OR6K3: variants seen among roughly 807,000 people sequenced by gnomAD.
OR6K3 encodes olfactory receptor family 6 subfamily K member 3.
For synonymous variants in OR6K3, 169 were observed against 137.7 expected (o/e 1.23, Z -1.59); for missense variants, 396 against 382.5 (o/e 1.04, Z -0.29).
intron 1 of OR6K3, among the ~76,000 whole-genome samples, chr1:158,718,379 G>A (rs112028591): frequency 0.022 from 3,348 of 150,266 alleles, 123 homozygotes; most frequent in African/African-American, 0.077. Context: ...AAACCTTCAA[G>A]GTAGTTCTTC....
Position 158,719,293 on chromosome 1 carries a change from G to A in OR6K3, c.-17-1161C>T, listed in dbSNP as rs988281783. ...TTTCCCAAGAGTCTATTTTCCCCAGGTTCCTATCATCCACTTCAACCTCTT... is the reference window on the plus strand; with the variant it reads ...TTTCCCAAGAGTCTATTTTCCCCAGATTCCTATCATCCACTTCAACCTCTT... On this transcript the variant is annotated intron_variant, in intron 1 of 1. Coordinates refer to ENST00000368145, the MANE Select transcript of OR6K3 (RefSeq NM_001005327.3). 5.3e-5 allele frequency among the ~76,000 whole-genome samples: 8 copies of A among 151,558 alleles called. 1 individual carries two copies. Among genetic ancestry groups the A allele is most frequent in the African/African-American group, 1.5e-4 (6 of 41,272 alleles).
Position 158,717,226 on chromosome 1 carries a change from T to C in OR6K3, c.890A>G (p.Asn297Ser). The C allele has an allele frequency of 6.2e-7, 1 of 1,613,682 alleles. No homozygotes were observed. The highest frequency in any genetic ancestry group is 1.1e-5 in the South Asian group (1 of 91,080). The change falls in exon 2 of 2, where the codon AAC (asparagine) becomes AGC (serine). Residue 297 changes from asparagine (N) to serine (S), a missense_variant. Physicochemically the swap from Asn to Ser is conservative, Grantham distance 46. Transcript: ENST00000368145. ...IIYSLRNKDMNNAIKKLFCLQ... is the reference protein window; with the variant it reads ...IIYSLRNKDMSNAIKKLFCLQ... Reference sequence around the variant, plus strand: ...ACAGAACAGTTTTTTAATCGCATTGTTCATGTCCTTGTTTCTCAGGCTATA... The same window carrying C: ...ACAGAACAGTTTTTTAATCGCATTGCTCATGTCCTTGTTTCTCAGGCTATA...
upstream of OR6K3, among the ~76,000 whole-genome samples, chr1:158,722,655 T>C (rs1656308372): frequency 1.3e-5 from 2 of 152,038 alleles, no homozygotes; most frequent in South Asian, 4.1e-4. Flanking sequence ...GGCAGATAAG[T>C]ATTTCCCTCA....
chr1:158,723,844 TAATA>T (rs1308886047), upstream of OR6K3, among the ~76,000 whole-genome samples: 4 of 152,056 alleles, frequency 2.6e-5, no homozygotes, highest in Admixed American at 2.6e-4. Context: ...TATATACAAA[TAATA>T]AATTAATGTT....
At chr1:158,722,511 C>A (rs776398701), upstream of OR6K3, among the ~76,000 whole-genome samples, 37 of 151,996 alleles carry the variant, frequency 2.4e-4, no homozygotes, top group Non-Finnish European at 1.5e-4. Context: ...TTCTCTCTAT[C>A]CAGATTTCCC....
chr1:158,724,400 T>C (rs1323150614), upstream of OR6K3: 1 of 222,970 alleles, frequency 4.5e-6, no homozygotes, highest in African/African-American at 2.3e-5. Flanking sequence ...ATTACAGTGA[T>C]GATTCTGATA....
upstream of OR6K3, among the ~76,000 whole-genome samples, chr1:158,720,871 G>T (rs1166579156): frequency 6.6e-6 from 1 of 151,966 alleles, no homozygotes; most frequent in Non-Finnish European, 1.5e-5. Flanking sequence ...CTCTCATGGG[G>T]TTAATTAACA....
rs542461348 is a variant in OR6K3 at position 158,720,669 on chromosome 1, T to C, written c.-18+14A>G. ...TGAATTCGGTCTCTTTATGACTTAG[T>C]CATCTACACTCACCTTTGCCAAAAA... is the stretch of plus-strand genomic sequence containing the variant. On this transcript the variant is annotated intron_variant, in intron 1 of 1. Coordinates refer to ENST00000368145, the MANE Select transcript of OR6K3 (RefSeq NM_001005327.3). 1.3e-5 allele frequency: 2 copies of C among 151,912 alleles called. No homozygotes were observed. Among genetic ancestry groups the C allele is most frequent in the East Asian group, 3.9e-4 (2 of 5,132 alleles). 9.4% of individuals were successfully genotyped at this position (151,912 alleles called of 1,614,324 possible).
rs754095724 is a variant in OR6K3, at chr1:158,718,135, G to A, written c.-17-3C>T. The stretch of plus-strand genomic sequence containing the variant: ...CTCCATATTTCTAGTAGAGCTACCT[G>A]TAAATGGAGAGGGCATAGTCCAGCA... On this transcript the variant is annotated splice_polypyrimidine_tract_variant and splice_region_variant and intron_variant, in intron 1 of 1. Transcript: ENST00000368145. 6.7e-6 allele frequency: 10 copies of A among 1,483,426 alleles called. No homozygotes were observed. Among genetic ancestry groups the A allele is most frequent in the Non-Finnish European group, 8.4e-6 (9 of 1,069,218 alleles). The allele number at this position is 1,483,426 out of a possible 1,614,324, so 91.9% of individuals were successfully genotyped here.
intron 1 of OR6K3, among the ~76,000 whole-genome samples, chr1:158,720,294 G>C (rs938536725): frequency 1.3e-5 from 2 of 151,882 alleles, no homozygotes; most frequent in African/African-American, 4.8e-5. Context: ...GAGACGGTAG[G>C]TATCAAATAA....
upstream of OR6K3, chr1:158,725,102 A>C (rs759612460): frequency 1.3e-5 from 2 of 152,522 alleles, no homozygotes; most frequent in African/African-American, 2.4e-5. Context: ...GGATAGAAAG[A>C]CACAGCTCAT....
chr1:158,723,397 AAAT>A (rs933924062), upstream of OR6K3, among the ~76,000 whole-genome samples: 4 of 152,010 alleles, frequency 2.6e-5, no homozygotes, highest in Non-Finnish European at 5.9e-5. Context: ...AATATACTAT[AAAT>A]AATAATCATA....
Position 158,716,908 on chromosome 1 carries a change from A to G in OR6K3, c.*260T>C, listed in dbSNP as rs1656157788. 5.9e-6 allele frequency: 2 copies of G among 340,734 alleles called. No individual in the cohort carries two copies. Among genetic ancestry groups the G allele is most frequent in the African/African-American group, 2.1e-5 (1 of 47,512 alleles). The allele number at this position is 340,734 out of a possible 1,614,324, so 21.1% of individuals were successfully genotyped here. The stretch of plus-strand genomic sequence containing the variant: ...AGAGGAGTTTGGATCACCTAAGGTC[A>G]GGAGTTCAAGACCAGCCTGACCAAC... On this transcript the variant is annotated 3_prime_UTR_variant, in exon 2 of 2. Transcript: ENST00000368145.
At chr1:158,719,240 A>G (rs1420077138) in intron 1 of OR6K3, among the ~76,000 whole-genome samples, 2 of 151,808 alleles carry the variant, frequency 1.3e-5, no homozygotes, top group East Asian at 3.9e-4. Context: ...TCTCTCTTAT[A>G]TTAGCTTGTG....
rs574666649 is a variant in OR6K3, at chr1:158,720,312, T to C, written c.-18+371A>G. 2.0e-5 allele frequency among the ~76,000 whole-genome samples: 3 copies of C among 152,004 alleles called. No homozygotes were observed. The East Asian group carries it at 5.8e-4, about 30-fold the overall frequency. ...ACGGTAGGTATCAAATAAATTAACT[T>C]GGAACTCAGCCACTTGGTACAATTA... is the stretch of plus-strand genomic sequence containing the variant. On this transcript the variant is annotated intron_variant, in intron 1 of 1. Coordinates refer to ENST00000368145, the MANE Select transcript of OR6K3 (RefSeq NM_001005327.3).
At chr1:158,721,781 A>G (rs554712003), upstream of OR6K3, among the ~76,000 whole-genome samples, 1 of 151,888 alleles carries the variant, frequency 6.6e-6, no homozygotes, top group East Asian at 1.9e-4. Context: ...TTCTCTTTGC[A>G]TGTAATATTT....
At chr1:158,722,465 T>A (rs1043646835), upstream of OR6K3, among the ~76,000 whole-genome samples, 1 of 152,014 alleles carries the variant, frequency 6.6e-6, no homozygotes, top group Non-Finnish European at 1.5e-5. Flanking sequence ...GATAACTCCA[T>A]TGTGACTGGG....
chr1:158,717,621 T>G lies in OR6K3; in HGVS notation c.495A>C (p.Thr165=), dbSNP rs765633734. 1 of 1,613,676 alleles carries G rather than the reference T, an allele frequency of 6.2e-7. No homozygotes were observed. The highest frequency in any genetic ancestry group is 1.1e-5 in the South Asian group (1 of 91,078). The change falls in exon 2 of 2, where the codon ACA becomes ACC. Residue 165 remains threonine (T), a synonymous_variant. Coordinates refer to ENST00000368145, the MANE Select transcript of OR6K3 (RefSeq NM_001005327.3). ...ILLPEIVMIS[T]LPFCGPNQIH... is the part of the protein sequence containing the mutation. ...TTTGGTTGGGCCCACAGAAAGGCAG[T>G]GTGGAAATCATCACAATCTCGGGAA...
intron 1 of OR6K3, among the ~76,000 whole-genome samples, chr1:158,719,662 A>C (rs1656246219): frequency 6.6e-6 from 1 of 152,062 alleles, no homozygotes; most frequent in Non-Finnish European, 1.5e-5. Context: ...GCTAGCATTT[A>C]AATTCTCTTT....
Sources: gnomAD v4.1 joint callset for allele counts (sites outside exome capture counted in the v4.1 genomes callset) on GRCh38, gnomAD v4.1.1 for gene constraint, MANE v1.5 for transcripts, NCBI Gene and HGNC (gene_info 2026-07-23, HGNC 2026-07-21) for gene names.